TMEM259: variants seen among roughly 807,000 people sequenced by gnomAD.
TMEM259 encodes the protein transmembrane protein 259.
Under a neutral mutation model 46.7 loss-of-function variants are expected in TMEM259, and 26 were observed. That is an observed-to-expected ratio of 0.56 (90% CI 0.41 to 0.77). TMEM259 has a LOEUF of 0.77. Among genes scored for constraint, TMEM259 ranks in the 30% least tolerant of loss-of-function variants. The pLI, the probability that TMEM259 is intolerant of heterozygous loss-of-function variation, is 0.00. For synonymous variants in TMEM259, 494 were observed against 395.1 expected (o/e 1.25, Z -2.97); for missense variants, 930 against 900.5 (o/e 1.03, Z -0.42).
Position 1,014,271 on chromosome 19 carries a change from TCCACGGCCAGGCCCGGGAAGCTC to T in TMEM259, c.405_427del (p.Ser136ThrfsTer10). 6.2e-7 allele frequency: 1 copy of T among 1,613,122 alleles called. No individual in the cohort carries two copies. Among genetic ancestry groups the T allele is most frequent in the Non-Finnish European group, 8.5e-7 (1 of 1,179,824 alleles). On this transcript the variant is annotated frameshift_variant, in exon 2 of 11. Coordinates refer to ENST00000356663, the MANE Select transcript of TMEM259 (RefSeq NM_001033026.2). LOFTEE classifies it high-confidence loss of function. ...TTCCATGTCCAGGTTGCTGCCTGGTTCCACGGCCAGGCCCGGGAAGCTCCCGCGGCCGCCGCTGTCACAGAACT... is the reference window on the plus strand; with the variant it reads ...TTCCATGTCCAGGTTGCTGCCTGGTTCCGCGGCCGCCGCTGTCACAGAACT...
At position 1,010,698 on chromosome 19, in the gene TMEM259, G is replaced by C; in HGVS notation, c.1515C>G (p.Val505=). Residue 505 remains valine (V), a synonymous_variant, in exon 11 of 11, where the codon GTC becomes GTG. Coordinates refer to ENST00000356663, the MANE Select transcript of TMEM259 (RefSeq NM_001033026.2). The part of the protein sequence containing the change: ...SAGQPPALGP[V]SPGASGSPGP... ...CGGGACTCCCGCTGGCCCCAGGCGA[G>C]ACGGGGCCCAGGGCGGGGGGCTGGC... The C allele has an allele frequency of 6.5e-7, 1 of 1,530,230 alleles. No individual in the cohort carries two copies. Among genetic ancestry groups the C allele is most frequent in the South Asian group, 1.2e-5 (1 of 83,798 alleles). The allele number at this position is 1,530,230 out of a possible 1,614,324, so 94.8% of individuals were successfully genotyped here. A position where few individuals can be genotyped will look rare whatever the true frequency, so the allele number is the denominator to read the frequency against.
chr19:1,014,337 C>T lies in TMEM259; in HGVS notation c.362G>A (p.Arg121His), dbSNP rs1175692639. Residue 121 changes from arginine (R) to histidine (H), a missense_variant, in exon 2 of 11, where the codon CGC becomes CAC. By Grantham distance (29) the Arg-to-His change is conservative (BLOSUM62 0). Transcript: ENST00000356663. ...LRVEVRHNSS[R>H]APVFLQFCDS... ...ACAGAACTGTAGGAAGACGGGCGCG[C>T]GGCTCGAGTTGTGCCGCACTTCCAC... 12 of 1,613,050 alleles carry T rather than the reference C, an allele frequency of 7.4e-6. No homozygotes were observed. Among genetic ancestry groups the T allele is most frequent in the East Asian group, 2.2e-5 (1 of 44,872 alleles).
Position 1,011,878 on chromosome 19 carries a change from C to A in TMEM259, c.942+14G>T, listed in dbSNP as rs1476711590. On this transcript the variant is annotated intron_variant, in intron 6 of 10. Coordinates refer to ENST00000356663, the MANE Select transcript of TMEM259 (RefSeq NM_001033026.2). ...CCGCCCGGCCAGCCCCCGCACCCGC[C>A]CCGAGGCACTCACGAAGATGACCAT... 6.2e-7 allele frequency: 1 copy of A among 1,605,324 alleles called. No homozygotes were observed. Among genetic ancestry groups the A allele is most frequent in the African/African-American group, 1.3e-5 (1 of 74,712 alleles).
In TMEM259 at chr19:1,020,479, G is replaced by A. The variant is rs1267816128; in HGVS notation, c.225+293C>T. 2.0e-5 allele frequency among the ~76,000 whole-genome samples: 3 copies of A among 149,672 alleles called. No individual in the cohort carries two copies. The highest frequency in any genetic ancestry group is 4.5e-5 in the Non-Finnish European group (3 of 67,330). On this transcript the variant is annotated intron_variant, in intron 1 of 10. Transcript: ENST00000356663. The surrounding 1 kb of genome is among the most constrained non-coding windows in gnomAD (Gnocchi z 4.0). ...CCGGGGACAGGATGGGCCCTGGAGG[G>A]AGCTGACAGTGAGGTTTCCAGAGTA...
In TMEM259 at chr19:1,020,663, G is replaced by A; in HGVS notation, c.225+109C>T. On this transcript the variant is annotated intron_variant, in intron 1 of 10. Transcript: ENST00000356663. This position sits in a 1 kb window ranked among gnomAD's most constrained non-coding sequence, Gnocchi z 4.0. ...GCCGGGTATAGGCCTCAGGGTGCAG[G>A]GTGGCGCTCGCTGTCCCCAGCGGGG... 2.6e-6 allele frequency: 2 copies of A among 754,866 alleles called. 1 individual carries two copies. Among genetic ancestry groups the A allele is most frequent in the Non-Finnish European group, 3.7e-6 (2 of 543,978 alleles). 46.8% of individuals were successfully genotyped at this position (754,866 alleles called of 1,614,324 possible).
At chr19:1,010,937 C>A (rs1341142885) in intron 10 of TMEM259, 42 bp from the exon 11 acceptor site, 2 of 1,568,788 alleles carry the variant, frequency 1.3e-6, no homozygotes, top group Non-Finnish European at 1.7e-6. Flanking sequence ...CCCGCCCCTG[C>A]CCCACCCAGC....
Position 1,010,542 on chromosome 19 carries a change from CAGGCCGGACAGGAAGG to C in TMEM259, c.1655_1670del (p.Ser552Ter). The C allele has an allele frequency of 6.5e-7, 1 of 1,548,314 alleles. No homozygotes were observed. The highest frequency in any genetic ancestry group is 8.7e-7 in the Non-Finnish European group (1 of 1,146,914). The stretch of plus-strand genomic sequence containing the variant: ...GACGCCGCTCCAGGAGGGAGGCGCT[CAGGCCGGACAGGAAGG>C]AGGCGTCTGTGATGATGGCAGCGGT... On this transcript the variant is annotated frameshift_variant, in exon 11 of 11. Coordinates refer to ENST00000356663, the MANE Select transcript of TMEM259 (RefSeq NM_001033026.2). LOFTEE classifies it low-confidence loss of function (END_TRUNC).
Position 1,020,983 on chromosome 19 carries a change from A to G in TMEM259, c.14T>C (p.Val5Ala). MSEH[V>A]EPAAPGPGPN... ...CCCGGGCCCCGGAGCTGCGGGCTCC[A>G]CGTGCTCCGACATGCCTCCCAGCGT... Residue 5 changes from valine to alanine, a missense_variant, in exon 1 of 11, where the codon GTG becomes GCG. Physicochemically the swap from Val to Ala is moderately conservative, Grantham distance 64. Transcript: ENST00000356663. This position sits in a 1 kb window ranked among gnomAD's most constrained non-coding sequence, Gnocchi z 4.0. 7.5e-7 allele frequency: 1 copy of G among 1,341,368 alleles called. No individual in the cohort carries two copies. Among genetic ancestry groups the G allele is most frequent in the Non-Finnish European group, 9.6e-7 (1 of 1,037,070 alleles). The allele number at this position is 1,341,368 out of a possible 1,614,324, so 83.1% of individuals were successfully genotyped here.
Position 1,012,047 on chromosome 19 carries a change from GCCCCGGGGCATGCCTCACCCTTGTTCT to G in TMEM259, c.833_841+18del. The G allele has an allele frequency of 6.2e-7, 1 of 1,611,950 alleles. No individual in the cohort carries two copies. Among genetic ancestry groups the G allele is most frequent in the Non-Finnish European group, 8.5e-7 (1 of 1,179,410 alleles). On this transcript the variant is annotated splice_donor_variant and splice_donor_5th_base_variant and coding_sequence_variant and intron_variant, in exon 5 of 11. Coordinates refer to ENST00000356663, the MANE Select transcript of TMEM259 (RefSeq NM_001033026.2). LOFTEE classifies it high-confidence loss of function. ...CCCCACCCGCGCCCTCGCACCCTCG[GCCCCGGGGCATGCCTCACCCTTGTTCT>G]CCTCGTTCTCGGCCAGGCCCTTCAC... is the stretch of plus-strand genomic sequence containing the variant.
At chr19:1,013,124 A>G (rs1174862095) in intron 3 of TMEM259, 117 bp downstream of exon 3, 2 of 911,418 alleles carry the variant, frequency 2.2e-6, no homozygotes, top group East Asian at 2.5e-5. Context: ...GGTGCCCTCA[A>G]CGGTCCAGGA....
In TMEM259 at chr19:1,013,232, G is replaced by C. The variant is rs368251444; in HGVS notation, c.607+9C>G. On this transcript the variant is annotated intron_variant, in intron 3 of 10. Transcript: ENST00000356663. ...CCGTGAGGCAGTACACCTTTGGTGG[G>C]TGGCCTACCTTTGGTGGGCGTCTCG... 2 of 1,612,516 alleles carry C rather than the reference G, an allele frequency of 1.2e-6. No homozygotes were observed. The highest frequency in any genetic ancestry group is 1.7e-5 in the Admixed American group (1 of 59,978).
rs1162721159 is a variant in TMEM259, at chr19:1,011,791, C to G, written c.950G>C (p.Ser317Thr). Residue 317 changes from serine to threonine, a missense_variant, in exon 7 of 11, where the codon AGC (serine) becomes ACC (threonine). Ser to Thr is a moderately conservative substitution (Grantham distance 58). Transcript: ENST00000356663. ...TGAGTACCGCAGCAGCATGGACACG[C>G]TCAGCGTCTGCAAGGGGCGCGCAGG... ...AFAIMVIFTL[S>T]VSMLLRYSHH... 1.9e-6 allele frequency: 3 copies of G among 1,576,044 alleles called. No homozygotes were observed. The highest frequency in any genetic ancestry group is 2.6e-6 in the Non-Finnish European group (3 of 1,160,390).
chr19:1,014,325 A>G lies in TMEM259; in HGVS notation c.374T>C (p.Phe125Ser). 3.7e-6 allele frequency: 6 copies of G among 1,613,098 alleles called. No homozygotes were observed. The highest frequency in any genetic ancestry group is 5.1e-6 in the Non-Finnish European group (6 of 1,179,942). ...GCCGCCGCTGTCACAGAACTGTAGG[A>G]AGACGGGCGCGCGGCTCGAGTTGTG... Reference protein sequence around the residue: ...VRHNSSRAPVFLQFCDSGGRG... With the variant: ...VRHNSSRAPVSLQFCDSGGRG... The change falls in exon 2 of 11, where the codon TTC (phenylalanine) becomes TCC (serine). Residue 125 changes from phenylalanine (F) to serine (S), a missense_variant. Physicochemically the swap from Phe to Ser is radical, Grantham distance 155. Coordinates refer to ENST00000356663, the MANE Select transcript of TMEM259 (RefSeq NM_001033026.2).
intron 3 of TMEM259, 31 bp from the exon 4 acceptor site, chr19:1,012,604 GC>G: frequency 1.9e-6 from 3 of 1,549,360 alleles, no homozygotes; most frequent in South Asian, 1.2e-5. Context: ...CCAGGTCAGC[GC>G]CCCCACACAC....
intron 1 of TMEM259, among the ~76,000 whole-genome samples, chr19:1,017,685 G>A (rs888234234): frequency 2.0e-5 from 3 of 152,130 alleles, no homozygotes; most frequent in African/African-American, 7.2e-5. Context: ...CGGCCACTGG[G>A]TGGGCCTTTC....
rs891637034 is a variant in TMEM259 at position 1,020,245 on chromosome 19, G to T, written c.225+527C>A. ...AAAGGCTACAAGGAGGGAGAGAGGGGAGTGGGGAGTCGACTTCCAGGACAG... is the reference window on the plus strand; with the variant it reads ...AAAGGCTACAAGGAGGGAGAGAGGGTAGTGGGGAGTCGACTTCCAGGACAG... On this transcript the variant is annotated intron_variant, in intron 1 of 10. Coordinates refer to ENST00000356663, the MANE Select transcript of TMEM259 (RefSeq NM_001033026.2). The surrounding 1 kb of genome is among the most constrained non-coding windows in gnomAD (Gnocchi z 4.0). Among the ~76,000 whole-genome samples the T allele has an allele frequency of 6.6e-6, 1 of 152,068 alleles. No individual in the cohort carries two copies.
chr19:1,015,068 C>T (rs756596564), intron 1 of TMEM259, among the ~76,000 whole-genome samples: 6 of 152,266 alleles, frequency 3.9e-5, no homozygotes, highest in Non-Finnish European at 7.3e-5. Context: ...CCCAGCACTC[C>T]CCTGATCTCA....
chr19:1,012,960 C>G (rs1239950392), intron 3 of TMEM259, among the ~76,000 whole-genome samples: 1 of 152,176 alleles, frequency 6.6e-6, no homozygotes, highest in Non-Finnish European at 1.5e-5. Context: ...TGAGCACAGC[C>G]CGCTAGAACT....
Position 1,020,645 on chromosome 19 carries a change from A to C in TMEM259, c.225+127T>G. The C allele has an allele frequency of 4.5e-4, 237 of 523,180 alleles. No individual in the cohort carries two copies. Among genetic ancestry groups the C allele is most frequent in the Non-Finnish European group, 5.2e-4 (179 of 342,526 alleles). The allele number at this position is 523,180 out of a possible 1,614,324, so 32.4% of individuals were successfully genotyped here. A position where few individuals can be genotyped will look rare whatever the true frequency, so the allele number is the denominator to read the frequency against. On this transcript the variant is annotated intron_variant, in intron 1 of 10. Transcript: ENST00000356663. The surrounding 1 kb of genome is among the most constrained non-coding windows in gnomAD (Gnocchi z 4.0). ...AGAGCCCTAATCGGTAGGGCCGGGT[A>C]TAGGCCTCAGGGTGCAGGGTGGCGC...
Sources: allele counts gnomAD v4.1 joint callset (sites outside exome capture counted in the v4.1 genomes callset), GRCh38; gene constraint gnomAD v4.1.1; non-coding constraint Gnocchi (gnomAD v3.1); transcripts MANE v1.5; gene names NCBI Gene and HGNC (gene_info 2026-07-23, HGNC 2026-07-21).